The following HOMER2 variants were observed in gnomAD, a reference collection of about 807,000 sequenced individuals.
HOMER2 encodes the protein homer scaffold protein 2.
HOMER2 carries 27 observed loss-of-function variants against 47.0 expected under a neutral mutation model. The observed-to-expected ratio is 0.57, with a 90% CI of 0.42 to 0.79. HOMER2 has a LOEUF of 0.79. HOMER2 is among the 30% of genes least tolerant of loss of function. The pLI, the probability that HOMER2 is intolerant of heterozygous loss-of-function variation, is 0.00. For missense variants in HOMER2, 443 were observed against 435.0 expected (o/e 1.02, Z -0.16); for synonymous variants, 161 against 163.8 (o/e 0.98, Z 0.13).
chr15:82,865,518 G>C (rs1047215082), intron 3 of HOMER2, among the ~76,000 whole-genome samples: 2 of 152,196 alleles, frequency 1.3e-5, no homozygotes, highest in East Asian at 3.8e-4. Flanking sequence ...GTCTTCAAAG[G>C]AGCTCCAAGT....
Position 82,849,851 on chromosome 15 carries a change from G to A in HOMER2, c.896C>T (p.Thr299Ile), listed in dbSNP as rs2051331968. The A allele has an allele frequency of 1.2e-6, 2 of 1,613,994 alleles. No homozygotes were observed. The highest frequency in any genetic ancestry group is 1.7e-6 in the Non-Finnish European group (2 of 1,179,894). The change falls in exon 9 of 9, where the codon ACA becomes ATA. Residue 299 changes from threonine (T) to isoleucine (I), a missense_variant. Thr to Ile is a moderately conservative substitution (Grantham distance 89). Transcript: ENST00000450735. The part of the protein sequence containing the change: ...NLEDKVRSLK[T>I]DIEESKYRQR... ...TCGGTATTTGCTCTCCTCAATGTCT[G>A]TCTTTAAGGAACGCACTTTGTCTTC... is the stretch of plus-strand genomic sequence containing the variant.
chr15:82,972,550 A>G (rs1487696771), intron 1 of HOMER2, among the ~76,000 whole-genome samples: 2 of 152,178 alleles, frequency 1.3e-5, no homozygotes, highest in African/African-American at 2.4e-5. Context: ...TGGTTTGTCC[A>G]TGTTGGTCAG....
exon 2 of HOMER2, chr15:82,841,890 G>T (rs759098750): frequency 1.3e-5 from 2 of 152,182 alleles, no homozygotes; most frequent in African/African-American, 2.4e-5. Context: ...AATGCTAACA[G>T]CAGAAGGGTT....
At chr15:82,882,435 C>G (rs1201960706) in intron 2 of HOMER2, among the ~76,000 whole-genome samples, 1 of 152,214 alleles carries the variant, frequency 6.6e-6, no homozygotes, top group Admixed American at 6.5e-5. Context: ...TCCTGGCAGC[C>G]CCAACACTGA....
chr15:82,981,450 AGTG>A (rs1222666033), intron 1 of HOMER2, among the ~76,000 whole-genome samples: 3 of 152,236 alleles, frequency 2.0e-5, no homozygotes, highest in Non-Finnish European at 4.4e-5. Flanking sequence ...AAAACACTAC[AGTG>A]GTTCCTCAGA....
At chr15:82,962,776 TAA>T (rs891188062) in intron 1 of HOMER2, among the ~76,000 whole-genome samples, 2 of 152,176 alleles carry the variant, frequency 1.3e-5, no homozygotes, top group Admixed American at 6.5e-5. Flanking sequence ...TTAAAGCAGA[TAA>T]GAGGTTTAAT....
downstream of HOMER2, among the ~76,000 whole-genome samples, chr15:82,848,593 G>C (rs1417137299): frequency 6.6e-6 from 1 of 152,220 alleles, no homozygotes; most frequent in Non-Finnish European, 1.5e-5. Flanking sequence ...GCCAAGGCTT[G>C]TCAGCTGAGC....
chr15:82,865,993 T>C (rs1596311023), intron 3 of HOMER2, among the ~76,000 whole-genome samples: 2 of 152,334 alleles, frequency 1.3e-5, no homozygotes, highest in Admixed American at 1.3e-4. Flanking sequence ...GAGTCCCTAC[T>C]GGGGCACTGT....
intron 1 of HOMER2, among the ~76,000 whole-genome samples, chr15:82,938,527 C>G (rs991764418): frequency 2.6e-5 from 4 of 152,164 alleles, no homozygotes; most frequent in Non-Finnish European, 5.9e-5. Context: ...TCCAACCTTA[C>G]TGCCTCTCAT....
At chr15:82,860,720 T>C (rs2051744849) in intron 4 of HOMER2, among the ~76,000 whole-genome samples, 1 of 152,030 alleles carries the variant, frequency 6.6e-6, no homozygotes, top group Non-Finnish European at 1.5e-5. Flanking sequence ...GCAGATCACT[T>C]GAGGTCAAGA....
chr15:82,968,886 G>GA (rs2029889612), intron 1 of HOMER2, among the ~76,000 whole-genome samples: 1 of 152,098 alleles, frequency 6.6e-6, no homozygotes, highest in African/African-American at 2.4e-5. Flanking sequence ...TATCTGGAAG[G>GA]AAAAAAAGAG....
exon 2 of HOMER2, chr15:82,842,351 G>A (rs544902926): frequency 2.7e-5 from 4 of 150,006 alleles, no homozygotes; most frequent in Non-Finnish European, 4.4e-5. Context: ...GTCTCGCTCC[G>A]TTGCCCAGGC....
intron 8 of HOMER2, among the ~76,000 whole-genome samples, chr15:82,850,225 G>C (rs148333604): frequency 6.6e-6 from 1 of 152,264 alleles, no homozygotes; most frequent in Non-Finnish European, 1.5e-5. Context: ...GCCCAGCAGG[G>C]AAAGTCTGAA....
chr15:82,902,808 T>G (rs916985805), intron 1 of HOMER2, among the ~76,000 whole-genome samples: 1 of 152,252 alleles, frequency 6.6e-6, no homozygotes, highest in Non-Finnish European at 1.5e-5. Flanking sequence ...AGGGCTTTTA[T>G]ATTCATCTAC....
chr15:82,896,021 A>G (rs2151108962), intron 1 of HOMER2, among the ~76,000 whole-genome samples: 1 of 152,284 alleles, frequency 6.6e-6, no homozygotes, highest in East Asian at 1.9e-4. Flanking sequence ...ACTCCAGAAC[A>G]ACACTGGTGA....
intron 2 of HOMER2, among the ~76,000 whole-genome samples, chr15:82,876,524 G>A (rs1029398988): frequency 6.6e-6 from 1 of 152,112 alleles, no homozygotes; most frequent in Non-Finnish European, 1.5e-5. Flanking sequence ...CAAGCCCTAG[G>A]ACTCTAAGAA....
intron 1 of HOMER2, among the ~76,000 whole-genome samples, chr15:82,910,089 T>C (rs1419149464): frequency 1.6e-5 from 2 of 128,490 alleles, no homozygotes; most frequent in Non-Finnish European, 3.1e-5. Flanking sequence ...GCTGAGATCA[T>C]GCTACTGCAC....
At chr15:82,848,269 GA>G (rs940767150), downstream of HOMER2, among the ~76,000 whole-genome samples, 6 of 152,288 alleles carry the variant, frequency 3.9e-5, no homozygotes, top group African/African-American at 1.4e-4. Flanking sequence ...ATTCAGCAGG[GA>G]GAAAGTCTAA....
At position 82,947,126 on chromosome 15, in the gene HOMER2, C is replaced by T. The variant is rs142367508; in HGVS notation, c.5+5405G>A. Among the ~76,000 whole-genome samples the T allele has an allele frequency of 1.9e-3, 295 of 152,282 alleles. 7 individuals carry two copies. The East Asian group carries it at 0.039, about 20-fold the overall frequency. On this transcript the variant is annotated intron_variant, in intron 1 of 8. Transcript: ENST00000450735. ...GCCAACTGCCTTACCAATGTACAGA[C>T]TGAAGGAATATTAGAAAGTGAAGTT...
Sources: gnomAD v4.1 joint callset for allele counts (sites outside exome capture counted in the v4.1 genomes callset) on GRCh38, gnomAD v4.1.1 for gene constraint, MANE v1.5 for transcripts, NCBI Gene and HGNC (gene_info 2026-07-23, HGNC 2026-07-21) for gene names.